DNM3: variants seen among roughly 807,000 people sequenced by gnomAD.
DNM3 encodes dynamin 3.
Under a neutral mutation model 101.6 loss-of-function variants are expected in DNM3, and 47 were observed. That is an observed-to-expected ratio of 0.46 (90% CI 0.37 to 0.59). The LOEUF (loss-of-function observed/expected upper bound fraction) is 0.59, where lower values mean the gene tolerates loss of function less well. Ranked by LOEUF, DNM3 falls within the 20% of genes least tolerant of loss-of-function variation. DNM3 has a pLI of 0.00. For missense variants in DNM3, 849 were observed against 1,085.7 expected (o/e 0.78, Z 3.06); for synonymous variants, 385 against 387.9 (o/e 0.99, Z 0.09).
intron 15 of DNM3, among the ~76,000 whole-genome samples, chr1:172,302,043 C>G (rs962958625): frequency 1.3e-5 from 2 of 152,172 alleles, no homozygotes; most frequent in African/African-American, 2.4e-5. Flanking sequence ...ACAGTGAGTG[C>G]AGCCCACAGA....
intron 6 of DNM3, 144 bp downstream of exon 6, chr1:172,033,409 A>G (rs750154907): frequency 4.1e-5 from 38 of 922,834 alleles, no homozygotes; most frequent in Admixed American, 5.9e-5. Flanking sequence ...AATGAATATT[A>G]GTACCTCAGA....
chr1:172,022,948 C>G (rs552966122), intron 4 of DNM3, among the ~76,000 whole-genome samples: 2 of 152,136 alleles, frequency 1.3e-5, no homozygotes, highest in South Asian at 4.2e-4. Context: ...CATAGCTGAG[C>G]TATGTGGTAA....
At chr1:172,044,011 T>C (rs1270143910) in intron 8 of DNM3, among the ~76,000 whole-genome samples, 1 of 152,240 alleles carries the variant, frequency 6.6e-6, no homozygotes, top group Non-Finnish European at 1.5e-5. Flanking sequence ...TCTGTACTGC[T>C]ACTGCACAGC....
At chr1:172,335,411 G>T (rs1285147395) in intron 17 of DNM3, among the ~76,000 whole-genome samples, 1 of 151,998 alleles carries the variant, frequency 6.6e-6, no homozygotes, top group African/African-American at 2.4e-5. Flanking sequence ...TGCTGAGAGG[G>T]TTATAATTAT....
At chr1:171,972,506 C>A (rs2044066137) in intron 2 of DNM3, among the ~76,000 whole-genome samples, 1 of 152,098 alleles carries the variant, frequency 6.6e-6, no homozygotes. Context: ...GTGATAAAAC[C>A]AGTTATTGAG....
At chr1:171,987,902 G>T (rs77868630) in intron 3 of DNM3, 97 bp downstream of exon 3, 14,151 of 1,221,034 alleles carry the variant, frequency 0.012, 430 homozygotes, top group African/African-American at 0.11. Flanking sequence ...AATAGTGCTG[G>T]GTTTCTAGGG....
intron 14 of DNM3, among the ~76,000 whole-genome samples, chr1:172,204,114 A>G (rs1053335230): frequency 3.9e-5 from 6 of 152,158 alleles, no homozygotes; most frequent in African/African-American, 1.4e-4. Flanking sequence ...GACAGAGACC[A>G]GGTGTGCTAC....
chr1:171,868,065 TC>T (rs527727616), intron 1 of DNM3, among the ~76,000 whole-genome samples: 52 of 152,344 alleles, frequency 3.4e-4, no homozygotes, highest in African/African-American at 1.2e-3. Context: ...GGTAAATTAC[TC>T]TAAAAATTTC....
chr1:171,987,991 T>A (rs2045382072), intron 3 of DNM3, among the ~76,000 whole-genome samples, 186 bp downstream of exon 3: 1 of 152,210 alleles, frequency 6.6e-6, no homozygotes, highest in African/African-American at 2.4e-5. Flanking sequence ...AGGAGATGAC[T>A]TTAATAAAAA....
Position 172,073,161 on chromosome 1 carries a change from T to C in DNM3, c.1422+4256T>C, listed in dbSNP as rs539000203. ...GGTGCTATATAGATATACACACACA[T>C]ACACAAACACACATATATGTATATA... On this transcript the variant is annotated intron_variant, in intron 11 of 20. Transcript: ENST00000627582. Among the ~76,000 whole-genome samples the C allele has an allele frequency of 3.3e-5, 5 of 152,106 alleles. No individual in the cohort carries two copies. The South Asian group carries it at 1.0e-3, about 32-fold the overall frequency.
intron 13 of DNM3, among the ~76,000 whole-genome samples, chr1:172,112,999 C>G (rs908917101): frequency 6.6e-6 from 1 of 152,130 alleles, no homozygotes; most frequent in Non-Finnish European, 1.5e-5. Context: ...CATGGCTCCT[C>G]TAATTTAATA....
chr1:172,383,716 G>A (rs1468528573), intron 18 of DNM3, among the ~76,000 whole-genome samples: 1 of 152,186 alleles, frequency 6.6e-6, no homozygotes, highest in Non-Finnish European at 1.5e-5. Flanking sequence ...ATTACGGGTT[G>A]CTAGAGAAGG....
intron 6 of DNM3, among the ~76,000 whole-genome samples, chr1:172,035,166 C>G (rs2048869996): frequency 6.6e-6 from 1 of 152,038 alleles, no homozygotes; most frequent in Admixed American, 6.6e-5. Flanking sequence ...GAGGTAGAGT[C>G]AAGGTTACGT....
chr1:171,904,931 G>T (rs984850480), intron 1 of DNM3, among the ~76,000 whole-genome samples: 4 of 152,110 alleles, frequency 2.6e-5, no homozygotes, highest in African/African-American at 9.7e-5. Context: ...GATTGCGCTG[G>T]ACAAGTGACT....
At chr1:172,278,724 G>T (rs1237177282) in intron 15 of DNM3, among the ~76,000 whole-genome samples, 1 of 152,090 alleles carries the variant, frequency 6.6e-6, no homozygotes, top group East Asian at 1.9e-4. Context: ...TACAAACTCA[G>T]CCAGTGTCTC....
intron 17 of DNM3, among the ~76,000 whole-genome samples, chr1:172,329,149 C>T (rs2066072134): frequency 6.6e-6 from 1 of 151,730 alleles, no homozygotes; most frequent in African/African-American, 2.4e-5. Context: ...GGTTTTAAAG[C>T]CTTCTGTCTA....
chr1:171,948,471 A>G (rs2042301244), intron 2 of DNM3, among the ~76,000 whole-genome samples: 1 of 152,166 alleles, frequency 6.6e-6, no homozygotes, highest in Non-Finnish European at 1.5e-5. Flanking sequence ...TGGAAGGGTG[A>G]TATTGTAAAC....
At chr1:172,179,528 T>C (rs1480072287) in intron 14 of DNM3, among the ~76,000 whole-genome samples, 1 of 151,814 alleles carries the variant, frequency 6.6e-6, no homozygotes. Context: ...GGGGAGAAGT[T>C]TTTTTTGCTA....
At chr1:172,284,495 A>G (rs941038295) in intron 15 of DNM3, among the ~76,000 whole-genome samples, 15 of 152,194 alleles carry the variant, frequency 9.9e-5, no homozygotes, top group African/African-American at 3.6e-4. Context: ...TCATGAGAAT[A>G]GCAACCTTAT....
Sources: allele counts gnomAD v4.1 joint callset (sites outside exome capture counted in the v4.1 genomes callset), GRCh38; gene constraint gnomAD v4.1.1; transcripts MANE v1.5; gene names NCBI Gene and HGNC (gene_info 2026-07-23, HGNC 2026-07-21).